The following ALMS1 variants were observed in gnomAD, a reference collection of about 807,000 sequenced individuals.
The protein encoded by ALMS1 is centrosome-associated protein ALMS1.
A neutral mutation model predicts 352.2 loss-of-function variants in ALMS1; 271 were observed. The ratio of observed to expected loss-of-function variants is 0.77; its 90% CI spans 0.70 to 0.85. The LOEUF (loss-of-function observed/expected upper bound fraction) is 0.85. ALMS1 is among the 40% of genes least tolerant of loss of function. The probability of loss-of-function intolerance (pLI) is 0.00; values close to 1 mark genes in which losing one functional copy is unlikely to be tolerated. For synonymous variants in ALMS1, 1,865 were observed against 1,761.2 expected (o/e 1.06, Z -1.48); for missense variants, 5,445 against 4,870.7 (o/e 1.12, Z -3.51).
intron 10 of ALMS1, among the ~76,000 whole-genome samples, chr2:73,519,210 C>T (rs1312653771): frequency 6.6e-6 from 1 of 152,110 alleles, no homozygotes; most frequent in South Asian, 2.1e-4. Context: ...TAAGCTTAAC[C>T]TTCTTTGGTG....
At chr2:73,411,093 T>G (rs1009476919) in intron 2 of ALMS1, among the ~76,000 whole-genome samples, 23 of 152,088 alleles carry the variant, frequency 1.5e-4, no homozygotes, top group African/African-American at 5.3e-4. Context: ...GAATGTGACC[T>G]TATTGGTGAT....
In ALMS1 at chr2:73,559,151, A is replaced by G. The variant is rs1379878877; in HGVS notation, c.10384+9A>G. 2 of 1,611,750 alleles carry G rather than the reference A, an allele frequency of 1.2e-6. No homozygotes were observed. The highest frequency in any genetic ancestry group is 4.5e-5 in the East Asian group (2 of 44,800). On this transcript the variant is annotated intron_variant, in intron 15 of 22. Coordinates refer to ENST00000613296, the MANE Select transcript of ALMS1 (RefSeq NM_001378454.1). ...ACAGATCAATATTGAAGGTAATGGG[A>G]TTGGGTTGTGTATGAGTGTGTGTGT...
chr2:73,520,361 A>G (rs1673651570), intron 11 of ALMS1, among the ~76,000 whole-genome samples: 2 of 152,314 alleles, frequency 1.3e-5, no homozygotes, highest in African/African-American at 2.4e-5. Context: ...GTATTACAGT[A>G]ACAGTAATGT....
intron 9 of ALMS1, among the ~76,000 whole-genome samples, chr2:73,475,117 A>G (rs1325631585): frequency 1.3e-5 from 2 of 152,148 alleles, no homozygotes; most frequent in Non-Finnish European, 2.9e-5. Flanking sequence ...ATTTCATTGT[A>G]TAGATACTTT....
intron 3 of ALMS1, among the ~76,000 whole-genome samples, chr2:73,422,215 A>G (rs1671297009): frequency 6.6e-6 from 1 of 152,176 alleles, no homozygotes; most frequent in Non-Finnish European, 1.5e-5. Flanking sequence ...AATGTCTGAC[A>G]TAATAGAAAA....
intron 1 of ALMS1, among the ~76,000 whole-genome samples, chr2:73,406,866 A>G (rs1238654680): frequency 6.6e-6 from 1 of 152,144 alleles, no homozygotes; most frequent in Non-Finnish European, 1.5e-5. Context: ...ACCTCAAGTG[A>G]TCCACTTGCC....
At chr2:73,479,385 C>G (rs1211755767) in intron 9 of ALMS1, among the ~76,000 whole-genome samples, 1 of 152,172 alleles carries the variant, frequency 6.6e-6, no homozygotes. Context: ...CCTGCCCCAC[C>G]TTTTACTGAG....
intron 22 of ALMS1, among the ~76,000 whole-genome samples, 177 bp downstream of exon 22, chr2:73,608,751 A>T (rs899176942): frequency 6.6e-6 from 1 of 152,236 alleles, no homozygotes; most frequent in East Asian, 1.9e-4. Context: ...TTAGACTTCA[A>T]ATCAGGTTTA....
At chr2:73,548,759 A>G (rs1674370164) in intron 12 of ALMS1, among the ~76,000 whole-genome samples, 1 of 152,194 alleles carries the variant, frequency 6.6e-6, no homozygotes, top group Non-Finnish European at 1.5e-5. Flanking sequence ...CTCAGAAGAA[A>G]GGTACTCTTG....
chr2:73,388,432 C>T (rs1470732564), intron 1 of ALMS1, among the ~76,000 whole-genome samples: 1 of 152,038 alleles, frequency 6.6e-6, no homozygotes, highest in African/African-American at 2.4e-5. Context: ...ATTTTTCAGC[C>T]CTTCTCTCCT....
At chr2:73,485,242 G>C (rs1456719294) in intron 9 of ALMS1, among the ~76,000 whole-genome samples, 2 of 152,222 alleles carry the variant, frequency 1.3e-5, no homozygotes, top group African/African-American at 2.4e-5. Flanking sequence ...GTGATGTACA[G>C]ATGGGTTTTT....
chr2:73,403,677 A>G (rs1025798799), intron 1 of ALMS1, among the ~76,000 whole-genome samples: 7 of 152,010 alleles, frequency 4.6e-5, no homozygotes, highest in South Asian at 2.1e-4. Context: ...ATATCTTTCT[A>G]TTTATTTGTG....
rs778163397 is a variant in ALMS1 at position 73,452,869 on chromosome 2, A to C, written c.6342A>C (p.Val2114=). 1 of 1,613,938 alleles carries C rather than the reference A, an allele frequency of 6.2e-7. No homozygotes were observed. Among genetic ancestry groups the C allele is most frequent in the South Asian group, 1.1e-5 (1 of 91,070 alleles). Residue 2114 remains valine, a synonymous_variant, in exon 8 of 23, where the codon GTA becomes GTC. Coordinates refer to ENST00000613296, the MANE Select transcript of ALMS1 (RefSeq NM_001378454.1). ...CACAGGAATTGCCAGGTAGTCATGT[A>C]ACTGAAGATGTGCTGAAGGTTTCAA... The part of the protein sequence containing the change: ...FSPQELPGSH[V]TEDVLKVSTI...
intron 6 of ALMS1, among the ~76,000 whole-genome samples, chr2:73,428,913 T>C (rs1239363821): frequency 1.3e-5 from 2 of 151,750 alleles, no homozygotes; most frequent in African/African-American, 4.9e-5. Flanking sequence ...TGGTTCACTT[T>C]TATATCTACT....
intron 2 of ALMS1, among the ~76,000 whole-genome samples, chr2:73,411,891 A>G (rs1252733378): frequency 3.3e-5 from 5 of 152,176 alleles, no homozygotes; most frequent in African/African-American, 1.2e-4. Context: ...TCATCCCATG[A>G]TCACAGTCTA....
At chr2:73,557,175 T>C (rs974670864) in intron 13 of ALMS1, 45 bp from the exon 14 acceptor site, 24 of 1,613,264 alleles carry the variant, frequency 1.5e-5, no homozygotes, top group Non-Finnish European at 2.0e-5. Flanking sequence ...TCTGTTGTGT[T>C]TATTATCTTT....
intron 1 of ALMS1, among the ~76,000 whole-genome samples, chr2:73,404,899 CTTTTTTTTTTTTTTTT>C (rs58122480): frequency 4.9e-5 from 3 of 60,788 alleles, no homozygotes; most frequent in African/African-American, 1.1e-4. Context: ...TGTCCTGGAC[CTTTTTTTTTTTTTTTT>C]TTTTTTTTTT....
chr2:73,402,030 T>C (rs1166073191), intron 1 of ALMS1, among the ~76,000 whole-genome samples: 1 of 137,896 alleles, frequency 7.3e-6, no homozygotes, highest in African/African-American at 3.1e-5. Flanking sequence ...TGTGTGTGTG[T>C]GTTATGTGTG....
At chr2:73,568,485 A>G (rs1674848658) in intron 15 of ALMS1, among the ~76,000 whole-genome samples, 1 of 152,220 alleles carries the variant, frequency 6.6e-6, no homozygotes, top group East Asian at 1.9e-4. Context: ...AACAACCTAA[A>G]TATTTAGTTA....
Sources: allele counts gnomAD v4.1 joint callset (sites outside exome capture counted in the v4.1 genomes callset), GRCh38; gene constraint gnomAD v4.1.1; transcripts MANE v1.5; gene names NCBI Gene and HGNC (gene_info 2026-07-23, HGNC 2026-07-21).